Variants in CACNA1E observed in about 807,000 individuals in gnomAD.
CACNA1E encodes the protein voltage-dependent R-type calcium channel subunit alpha-1E.
In CACNA1E, 40 loss-of-function variants were observed where a neutral mutation model predicts 259.2. The ratio of observed to expected loss-of-function variants is 0.15; its 90% CI spans 0.12 to 0.20. CACNA1E has a LOEUF of 0.20. Among genes scored for constraint, CACNA1E ranks in the 10% least tolerant of loss-of-function variants. CACNA1E has a pLI of 1.00. For missense variants in CACNA1E, 1,874 were observed against 3,040.1 expected (o/e 0.62, Z 9.02); for synonymous variants, 1,104 against 1,138.5 (o/e 0.97, Z 0.61).
At chr1:181,737,054 A>G (rs543954212) in intron 22 of CACNA1E, among the ~76,000 whole-genome samples, 11 of 152,214 alleles carry the variant, frequency 7.2e-5, no homozygotes, top group Non-Finnish European at 1.3e-4. Context: ...TGCAGAATAT[A>G]GAATACAGTT....
chr1:181,719,658 C>G, intron 12 of CACNA1E, 93 bp from the exon 13 acceptor site: 1 of 599,460 alleles, frequency 1.7e-6, no homozygotes, highest in Non-Finnish European at 3.0e-6. Flanking sequence ...TCCCCATCCC[C>G]CACTGAGAGC....
chr1:181,496,407 G>A (rs576825933), intron 1 of CACNA1E, among the ~76,000 whole-genome samples: 2 of 152,348 alleles, frequency 1.3e-5, no homozygotes, highest in Admixed American at 1.3e-4. Flanking sequence ...GCATGTAGAA[G>A]GATCCCCTTT....
chr1:181,745,638 C>T (rs1657011494), intron 25 of CACNA1E, among the ~76,000 whole-genome samples: 1 of 152,132 alleles, frequency 6.6e-6, no homozygotes, highest in Admixed American at 6.5e-5. Context: ...ACCATCAACA[C>T]AGATCATGCC....
At chr1:181,422,851 G>GA (rs1412843336) in intron 2 of CACNA1E, among the ~76,000 whole-genome samples, 1 of 152,094 alleles carries the variant, frequency 6.6e-6, no homozygotes, top group Non-Finnish European at 1.5e-5. Flanking sequence ...TGTCTACCGA[G>GA]AAAGTGTACA....
At position 181,579,301 on chromosome 1, in the gene CACNA1E, G is replaced by A. The variant is rs531213027; in HGVS notation, c.769+77G>A. 3 of 1,240,172 alleles carry A rather than the reference G, an allele frequency of 2.4e-6. No homozygotes were observed. In the African/African-American group the frequency reaches 4.5e-5, roughly 19 times the overall value. The allele number at this position is 1,240,172 out of a possible 1,614,324, so 76.8% of individuals were successfully genotyped here. ...TGGGGTAATTTCAGGGCACTTGGAGGCTCATTGGAAAAGTATGTCCTATTC... is the reference window on the plus strand; with the variant it reads ...TGGGGTAATTTCAGGGCACTTGGAGACTCATTGGAAAAGTATGTCCTATTC... On this transcript the variant is annotated intron_variant, in intron 5 of 47. Transcript: ENST00000367573.
upstream of CACNA1E, among the ~76,000 whole-genome samples, chr1:181,481,854 T>C (rs1201235535): frequency 6.6e-6 from 1 of 150,956 alleles, no homozygotes; most frequent in Non-Finnish European, 1.5e-5. Flanking sequence ...TCTACATTAA[T>C]GGGTTGGGTT....
At position 181,532,275 on chromosome 1, in the gene CACNA1E, GATTTCTTTTCAAT is replaced by G. The variant is rs1667843636; in HGVS notation, c.512+20766_512+20778del. 3.9e-5 allele frequency among the ~76,000 whole-genome samples: 6 copies of G among 152,350 alleles called. No homozygotes were observed. The South Asian group carries it at 1.2e-3, about 32-fold the overall frequency. On this transcript the variant is annotated intron_variant, in intron 3 of 47. Transcript: ENST00000367573. ...TACAGTCAGTTGTTTGCATGACACA[GATTTCTTTTCAAT>G]CAGTCTCTTTTCCCCTCTCCCCACT...
chr1:181,490,541 ATG>A (rs1664220114), intron 1 of CACNA1E, among the ~76,000 whole-genome samples: 1 of 116,326 alleles, frequency 8.6e-6, no homozygotes, highest in Non-Finnish European at 1.8e-5. Flanking sequence ...TGTGCCAAGC[ATG>A]TTTTTTTTTT....
At chr1:181,576,371 G>A (rs1385250820) in intron 3 of CACNA1E, among the ~76,000 whole-genome samples, 3 of 152,186 alleles carry the variant, frequency 2.0e-5, no homozygotes, top group Non-Finnish European at 4.4e-5. Context: ...GAAGCCGTCC[G>A]CTTGGCTGTT....
chr1:181,774,177 C>T (rs562645444), intron 37 of CACNA1E, among the ~76,000 whole-genome samples: 5 of 152,334 alleles, frequency 3.3e-5, no homozygotes, highest in South Asian at 2.1e-4. Flanking sequence ...TGACTGCACA[C>T]GCTACACTCT....
chr1:181,690,134 T>C (rs1650996029), intron 7 of CACNA1E, among the ~76,000 whole-genome samples: 2 of 152,200 alleles, frequency 1.3e-5, no homozygotes, highest in Non-Finnish European at 2.9e-5. Flanking sequence ...CTTTCATCCA[T>C]CTTGAGTTAA....
intron 6 of CACNA1E, among the ~76,000 whole-genome samples, chr1:181,603,381 G>A (rs1419948403): frequency 6.6e-6 from 1 of 152,132 alleles, no homozygotes; most frequent in Non-Finnish European, 1.5e-5. Flanking sequence ...CAAAAGAAGT[G>A]TTGTTCTAGG....
intron 6 of CACNA1E, among the ~76,000 whole-genome samples, chr1:181,596,536 T>G (rs1388076555): frequency 1.4e-5 from 2 of 138,954 alleles, no homozygotes; most frequent in Non-Finnish European, 3.2e-5. Context: ...CTCCAGAGAG[T>G]AGTCTTCCAC....
intron 25 of CACNA1E, among the ~76,000 whole-genome samples, chr1:181,743,780 A>C (rs1327518701): frequency 6.6e-6 from 1 of 152,240 alleles, no homozygotes; most frequent in African/African-American, 2.4e-5. Context: ...CTCGATTCAC[A>C]TGAGCAGGTG....
intron 6 of CACNA1E, among the ~76,000 whole-genome samples, chr1:181,633,233 A>G (rs1360489202): frequency 6.6e-6 from 1 of 152,142 alleles, no homozygotes; most frequent in Non-Finnish European, 1.5e-5. Flanking sequence ...CTGGGGAATA[A>G]GAGTGTCTGC....
Position 181,800,732 on chromosome 1 carries a change from T to C in CACNA1E, c.*1898T>C, listed in dbSNP as rs959834392. ...AGAAGGAGCCTCTTTTCCCTCTATTTTTTAAATTGAAATATAATAGCTGCA... is the reference window on the plus strand; with the variant it reads ...AGAAGGAGCCTCTTTTCCCTCTATTCTTTAAATTGAAATATAATAGCTGCA... On this transcript the variant is annotated 3_prime_UTR_variant, in exon 48 of 48. Transcript: ENST00000367573. 10 of 152,654 alleles carry C rather than the reference T, an allele frequency of 6.6e-5. No individual in the cohort carries two copies. The highest frequency in any genetic ancestry group is 1.5e-4 in the Non-Finnish European group (10 of 68,060). The allele number at this position is 152,654 out of a possible 1,614,324, so 9.5% of individuals were successfully genotyped here. A position where few individuals can be genotyped will look rare whatever the true frequency, so the allele number is the denominator to read the frequency against.
Position 181,651,369 on chromosome 1 carries a change from G to C in CACNA1E, c.983G>C (p.Trp328Ser). 1 of 1,613,764 alleles carries C rather than the reference G, an allele frequency of 6.2e-7. No homozygotes were observed. ...GATGCCTTAGGAGCCACCTGGAATT[G>C]GCTGTACTTCATCCCCCTCATCATC... Reference protein sequence around the residue: ...TNDALGATWNWLYFIPLIIIG... With the variant: ...TNDALGATWNSLYFIPLIIIG... The change falls in exon 7 of 48, where the codon TGG becomes TCG. Residue 328 changes from tryptophan (W) to serine (S), a missense_variant. Physicochemically the swap from Trp to Ser is radical, Grantham distance 177. Transcript: ENST00000367573.
chr1:181,386,283 G>A (rs538293756), intron 1 of CACNA1E, among the ~76,000 whole-genome samples: 4 of 152,292 alleles, frequency 2.6e-5, no homozygotes, highest in East Asian at 3.9e-4. Flanking sequence ...ATACTTTGAC[G>A]GTGAGAAGTT....
At chr1:181,751,922 T>C in intron 26 of CACNA1E, 1 of 673,776 alleles carries the variant, frequency 1.5e-6, no homozygotes, top group East Asian at 2.9e-5. Context: ...CATGTGGATG[T>C]GTGTTCATGC....
Sources: gnomAD v4.1 joint callset for allele counts (sites outside exome capture counted in the v4.1 genomes callset) on GRCh38, gnomAD v4.1.1 for gene constraint, MANE v1.5 for transcripts, NCBI Gene and HGNC (gene_info 2026-07-23, HGNC 2026-07-21) for gene names.